KCNIP4: variants seen among roughly 807,000 people sequenced by gnomAD.
KCNIP4 encodes potassium voltage-gated channel interacting protein 4.
KCNIP4 carries 12 observed loss-of-function variants against 34.0 expected under a neutral mutation model. The observed-to-expected ratio is 0.35, with a 90% confidence interval of 0.23 to 0.57. The LOEUF (loss-of-function observed/expected upper bound fraction) is 0.57. Ranked by LOEUF, KCNIP4 falls within the 20% of genes least tolerant of loss-of-function variation. The pLI, the probability that KCNIP4 is intolerant of heterozygous loss-of-function variation, is 0.83. For synonymous variants in KCNIP4, 124 were observed against 102.2 expected (o/e 1.21, Z -1.29); for missense variants, 238 against 311.7 (o/e 0.76, Z 1.78).
chr4:21,794,017 A>C (rs925285560), intron 1 of KCNIP4, among the ~76,000 whole-genome samples: 2 of 152,190 alleles, frequency 1.3e-5, no homozygotes, highest in African/African-American at 4.8e-5. Flanking sequence ...CATCATTCTC[A>C]CAAGGACAGA....
chr4:21,599,213 A>T (rs1038157769), intron 1 of KCNIP4, among the ~76,000 whole-genome samples: 4 of 152,088 alleles, frequency 2.6e-5, no homozygotes, highest in African/African-American at 9.7e-5. Flanking sequence ...AAAACAAATA[A>T]TACATTTTGA....
chr4:21,356,008 C>T (rs1228614264), intron 1 of KCNIP4, among the ~76,000 whole-genome samples: 1 of 152,144 alleles, frequency 6.6e-6, no homozygotes, highest in Non-Finnish European at 1.5e-5. Context: ...ATACGCAAAT[C>T]AATAAACGTA....
At chr4:20,939,708 T>C (rs2149616229) in intron 1 of KCNIP4, among the ~76,000 whole-genome samples, 1 of 152,236 alleles carries the variant, frequency 6.6e-6, no homozygotes, top group South Asian at 2.1e-4. Flanking sequence ...AGCACATACA[T>C]CTGTGCTTCT....
At chr4:21,892,002 A>G (rs973741650) in intron 1 of KCNIP4, among the ~76,000 whole-genome samples, 2 of 152,092 alleles carry the variant, frequency 1.3e-5, no homozygotes, top group Non-Finnish European at 2.9e-5. Context: ...GTCAACTTAC[A>G]GTTTAAAAAT....
At chr4:21,490,755 G>A (rs146566450) in intron 1 of KCNIP4, among the ~76,000 whole-genome samples, 34 of 152,260 alleles carry the variant, frequency 2.2e-4, no homozygotes, top group Middle Eastern at 3.4e-3. Context: ...GCTTAGTACA[G>A]CTTGATGCAA....
Position 21,027,855 on chromosome 4 carries a change from C to T in KCNIP4, c.62-145146G>A, listed in dbSNP as rs759581672. Reference sequence around the variant, plus strand: ...GTTTTTTAAAAAAATCTTATCTAACCTCATGGCTCTAAATAATTTAACATG... The same window carrying T: ...GTTTTTTAAAAAAATCTTATCTAACTTCATGGCTCTAAATAATTTAACATG... On this transcript the variant is annotated intron_variant, in intron 1 of 8. Coordinates refer to ENST00000382152, the MANE Select transcript of KCNIP4 (RefSeq NM_025221.6). Among the ~76,000 whole-genome samples, 50 of 152,142 alleles carry T rather than the reference C, an allele frequency of 3.3e-4. 1 individual carries two copies. Among genetic ancestry groups the T allele is most frequent in the Middle Eastern group, 3.4e-3 (1 of 294 alleles).
At chr4:21,801,317 G>A (rs1479283457) in intron 1 of KCNIP4, among the ~76,000 whole-genome samples, 4 of 152,136 alleles carry the variant, frequency 2.6e-5, no homozygotes, top group African/African-American at 7.2e-5. Context: ...ACAAGACCCC[G>A]TTGAATTTAA....
chr4:21,372,606 G>A (rs970245216), intron 1 of KCNIP4, among the ~76,000 whole-genome samples: 9 of 146,878 alleles, frequency 6.1e-5, no homozygotes, highest in African/African-American at 2.2e-4. Context: ...TGCAACTAAG[G>A]TGAACGTGAG....
chr4:21,220,562 AAAT>A (rs931905275), intron 1 of KCNIP4, among the ~76,000 whole-genome samples: 18 of 151,510 alleles, frequency 1.2e-4, no homozygotes, highest in South Asian at 2.1e-4. Context: ...GTATAATAAT[AAAT>A]AATAATAATA....
At chr4:21,075,178 G>A (rs376643271) in intron 1 of KCNIP4, among the ~76,000 whole-genome samples, 1 of 152,020 alleles carries the variant, frequency 6.6e-6, no homozygotes. Flanking sequence ...GCTGAGTTCA[G>A]TTCCTGGATA....
At chr4:20,790,269 G>A (rs1434878555) in intron 3 of KCNIP4, among the ~76,000 whole-genome samples, 2 of 152,084 alleles carry the variant, frequency 1.3e-5, no homozygotes, top group Admixed American at 6.6e-5. Context: ...ACCATGAATG[G>A]GAATTGCTCT....
chr4:21,045,368 T>G (rs1742342279), intron 1 of KCNIP4, among the ~76,000 whole-genome samples: 1 of 152,234 alleles, frequency 6.6e-6, no homozygotes, highest in Non-Finnish European at 1.5e-5. Context: ...ATGCTAATTT[T>G]GCTGGTGCAT....
At chr4:20,800,245 G>A (rs1483087949) in intron 3 of KCNIP4, among the ~76,000 whole-genome samples, 1 of 152,176 alleles carries the variant, frequency 6.6e-6, no homozygotes, top group Non-Finnish European at 1.5e-5. Context: ...TACAGCCACT[G>A]CACTTTGCCC....
rs796171817 is a variant in KCNIP4, at chr4:21,237,250, C to T, written c.62-354541G>A. The stretch of plus-strand genomic sequence containing the variant: ...TGTGCTAAGGTGCTGGAGATATAAA[C>T]GAAACAAGTTAGACAAGGTGCTTGT... On this transcript the variant is annotated intron_variant, in intron 1 of 8. Transcript: ENST00000382152. 5.9e-5 allele frequency among the ~76,000 whole-genome samples: 9 copies of T among 152,128 alleles called. No individual in the cohort carries two copies. In the South Asian group the frequency reaches 1.2e-3, roughly 21 times the overall value.
intron 1 of KCNIP4, among the ~76,000 whole-genome samples, chr4:21,598,716 T>A (rs1428417116): frequency 6.6e-6 from 1 of 152,026 alleles, no homozygotes; most frequent in Non-Finnish European, 1.5e-5. Flanking sequence ...CTAAAAATGT[T>A]TAACTAAGAA....
intron 3 of KCNIP4, chr4:20,766,884 G>A (rs1394517397): frequency 2.6e-5 from 4 of 151,542 alleles, no homozygotes; most frequent in Non-Finnish European, 5.9e-5. Flanking sequence ...TCTGCCACTT[G>A]GGAGCTGTGT....
intron 1 of KCNIP4, among the ~76,000 whole-genome samples, chr4:21,893,741 T>G (rs536658444): frequency 1.6e-3 from 248 of 152,274 alleles, no homozygotes; most frequent in African/African-American, 5.7e-3. Flanking sequence ...ATACTAGATT[T>G]TATGTAGCCC....
intron 1 of KCNIP4, among the ~76,000 whole-genome samples, chr4:21,713,956 T>C (rs1022584622): frequency 2.0e-5 from 3 of 152,200 alleles, no homozygotes; most frequent in African/African-American, 7.2e-5. Context: ...ATGTATGCAT[T>C]TTCTGACAGA....
At chr4:21,471,942 T>C (rs1467083174) in intron 1 of KCNIP4, among the ~76,000 whole-genome samples, 1 of 152,206 alleles carries the variant, frequency 6.6e-6, no homozygotes, top group Non-Finnish European at 1.5e-5. Flanking sequence ...TTTCTTTTTA[T>C]TGGTTGCATT....
Sources: gnomAD v4.1 joint callset for allele counts (sites outside exome capture counted in the v4.1 genomes callset) on GRCh38, gnomAD v4.1.1 for gene constraint, MANE v1.5 for transcripts, NCBI Gene and HGNC (gene_info 2026-07-23, HGNC 2026-07-21) for gene names.